The following ATP5MG variants were observed in gnomAD, a reference collection of about 807,000 sequenced individuals.
ATP5MG encodes ATP synthase F(0) complex subunit g, mitochondrial.
ATP5MG carries 7 observed loss-of-function variants against 12.7 expected under a neutral mutation model. That is an observed-to-expected ratio of 0.55 (90% CI 0.31 to 1.04). The LOEUF (loss-of-function observed/expected upper bound fraction) is 1.04. ATP5MG is among the 50% of genes least tolerant of loss of function. The pLI, the probability that ATP5MG is intolerant of heterozygous loss-of-function variation, is 0.05. For missense variants in ATP5MG, 116 were observed against 126.7 expected (o/e 0.92, Z 0.41); for synonymous variants, 53 against 48.2 (o/e 1.10, Z -0.41).
chr11:118,402,696 C>CTTT lies in ATP5MG; in HGVS notation c.52+995_52+997dup, dbSNP rs782335353. On this transcript the variant is annotated intron_variant, in intron 1 of 2. Coordinates refer to ENST00000300688, the MANE Select transcript of ATP5MG (RefSeq NM_006476.5). ...TTGGGTATTTTCTTTTTCTTTCTTT[C>CTTT]TTTTTTTTTTTTTTTTTTCCTAGAA... is the stretch of plus-strand genomic sequence containing the variant. 2.4e-3 allele frequency among the ~76,000 whole-genome samples: 311 copies of CTTT among 128,186 alleles called. 2 individuals are homozygous for CTTT. Among genetic ancestry groups the CTTT allele is most frequent in the South Asian group, 6.6e-3 (26 of 3,946 alleles). The allele number at this position is 128,186 out of a possible 152,430, so 84.1% of individuals were successfully genotyped here. A position where few individuals can be genotyped will look rare whatever the true frequency, so the allele number is the denominator to read the frequency against.
In ATP5MG at chr11:118,409,007, T is replaced by G. The variant is rs1555132572; in HGVS notation, c.221T>G (p.Val74Gly). The G allele has an allele frequency of 6.3e-7, 1 of 1,591,570 alleles. No individual in the cohort carries two copies. The highest frequency in any genetic ancestry group is 8.6e-7 in the Non-Finnish European group (1 of 1,168,516). The change falls in exon 3 of 3, where the codon GTG becomes GGG. Residue 74 changes from valine to glycine, a missense_variant. Physicochemically the swap from Val to Gly is moderately radical, Grantham distance 109 (BLOSUM62 -3). Coordinates refer to ENST00000300688, the MANE Select transcript of ATP5MG (RefSeq NM_006476.5). Reference sequence around the variant, plus strand: ...GTATGCTTCTTTTTTCAGGAAGCTGTGCTGAATGGTTTGGTGGCCACTGAG... The same window carrying G: ...GTATGCTTCTTTTTTCAGGAAGCTGGGCTGAATGGTTTGGTGGCCACTGAG... The part of the protein sequence containing the change: ...SFKQLTVKEA[V>G]LNGLVATEVL...
In ATP5MG at chr11:118,407,075, G is replaced by C. The variant is rs781810238; in HGVS notation, c.191G>C (p.Ser64Thr). ...ATAGTCAATAGTGCTCAGACTGGTA[G>C]CTTCAAACAGCTCACAGTTAAGGTA... The part of the protein sequence containing the change: ...KKIVNSAQTG[S>T]FKQLTVKEAV... The change falls in exon 2 of 3, where the codon AGC becomes ACC. Residue 64 changes from serine (S) to threonine (T), a missense_variant. Transcript: ENST00000300688. 2 of 1,614,060 alleles carry C rather than the reference G, an allele frequency of 1.2e-6. No homozygotes were observed. Among genetic ancestry groups the C allele is most frequent in the Non-Finnish European group, 1.7e-6 (2 of 1,180,002 alleles).
In ATP5MG at chr11:118,409,173, A is replaced by C; in HGVS notation, c.*75A>C. The C allele has an allele frequency of 4.1e-6, 4 of 967,356 alleles. No homozygotes were observed. Among genetic ancestry groups the C allele is most frequent in the Non-Finnish European group, 5.9e-6 (4 of 679,096 alleles). 59.9% of individuals were successfully genotyped at this position (967,356 alleles called of 1,614,324 possible). ...TTGGACCATGTGTGATCAGACTGCT[A>C]TCTGAATAAAATAAGATTTGTCAAA... On this transcript the variant is annotated 3_prime_UTR_variant, in exon 3 of 3. Coordinates refer to ENST00000300688, the MANE Select transcript of ATP5MG (RefSeq NM_006476.5).
At chr11:118,402,048 A>G (rs913227506) in intron 1 of ATP5MG, among the ~76,000 whole-genome samples, 19 of 152,126 alleles carry the variant, frequency 1.2e-4, no homozygotes, top group African/African-American at 4.3e-4. Context: ...TCTAGAGGGG[A>G]TGGTTCTGTT....
rs782715285 is a variant in ATP5MG, at chr11:118,409,127, T to C, written c.*29T>C. ...CCAATCTTTAACATCTGATTATATT[T>C]GATTTATTATTTGAGTGTTGTTGGA... On this transcript the variant is annotated 3_prime_UTR_variant, in exon 3 of 3. Transcript: ENST00000300688. The C allele has an allele frequency of 6.7e-7, 1 of 1,486,794 alleles. No individual in the cohort carries two copies. The highest frequency in any genetic ancestry group is 1.4e-5 in the African/African-American group (1 of 70,902). 92.1% of individuals were successfully genotyped at this position (1,486,794 alleles called of 1,614,324 possible).
At chr11:118,405,563 T>G (rs2134127267) in intron 1 of ATP5MG, 1 of 755,656 alleles carries the variant, frequency 1.3e-6, no homozygotes, top group Non-Finnish European at 1.6e-6. Flanking sequence ...TTCATTTTTT[T>G]TTTAAGGATG....
chr11:118,407,131 A>G (rs1369010543), intron 2 of ATP5MG, 34 bp downstream of exon 2: 3 of 1,612,296 alleles, frequency 1.9e-6, no homozygotes, highest in Non-Finnish European at 2.5e-6. Flanking sequence ...GGATGTGCAT[A>G]ACAGAAAATG....
At position 118,407,070 on chromosome 11, in the gene ATP5MG, T is replaced by G; in HGVS notation, c.186T>G (p.Thr62=). 2 of 1,614,166 alleles carry G rather than the reference T, an allele frequency of 1.2e-6. No individual in the cohort carries two copies. The highest frequency in any genetic ancestry group is 1.7e-6 in the Non-Finnish European group (2 of 1,180,026). The change falls in exon 2 of 3, where the codon ACT becomes ACG. Residue 62 remains threonine, a synonymous_variant. Coordinates refer to ENST00000300688, the MANE Select transcript of ATP5MG (RefSeq NM_006476.5). ...AAAAAATAGTCAATAGTGCTCAGACTGGTAGCTTCAAACAGCTCACAGTTA... is the reference window on the plus strand; with the variant it reads ...AAAAAATAGTCAATAGTGCTCAGACGGGTAGCTTCAAACAGCTCACAGTTA... ...SLKKIVNSAQ[T]GSFKQLTVKE...
chr11:118,406,004 CG>C (rs1199798024), intron 1 of ATP5MG: 12 of 152,178 alleles, frequency 7.9e-5, no homozygotes, highest in African/African-American at 2.9e-4. Context: ...CTGGGACTAC[CG>C]GCACACACCA....
At chr11:118,401,963 A>G (rs1014967449) in intron 1 of ATP5MG, 1 of 480,120 alleles carries the variant, frequency 2.1e-6, no homozygotes, top group Non-Finnish European at 3.7e-6. Flanking sequence ...CTGGGAAGAG[A>G]GGTAGTGTGA....
At chr11:118,405,262 A>G (rs1948962846) in intron 1 of ATP5MG, among the ~76,000 whole-genome samples, 1 of 152,212 alleles carries the variant, frequency 6.6e-6, no homozygotes, top group Non-Finnish European at 1.5e-5. Context: ...ATACTAAGCC[A>G]TGTATATACA....
intron 1 of ATP5MG, among the ~76,000 whole-genome samples, chr11:118,404,913 A>G (rs1287050137): frequency 2.6e-5 from 4 of 152,156 alleles, no homozygotes; most frequent in African/African-American, 4.8e-5. Context: ...TTGATTTCAT[A>G]CTTTCTGTAT....
Position 118,401,639 on chromosome 11 carries a change from G to A in ATP5MG, c.-27G>A. The A allele has an allele frequency of 6.2e-7, 1 of 1,614,022 alleles. No homozygotes were observed. Among genetic ancestry groups the A allele is most frequent in the South Asian group, 1.1e-5 (1 of 91,062 alleles). ...CGGGTGACATTCAGCCGGCGGTTCG[G>A]GGCGACGGACTCTCCATTCCAGAAC... On this transcript the variant is annotated 5_prime_UTR_variant, in exon 1 of 3. Coordinates refer to ENST00000300688, the MANE Select transcript of ATP5MG (RefSeq NM_006476.5).
intron 2 of ATP5MG, chr11:118,407,451 A>C (rs1425863656): frequency 1.0e-5 from 2 of 196,532 alleles, no homozygotes; most frequent in Non-Finnish European, 2.1e-5. Context: ...ATTGTCCCCA[A>C]TTCAGCCAAA....
chr11:118,401,808 G>T (rs782737388), intron 1 of ATP5MG, 91 bp downstream of exon 1: 4 of 1,480,198 alleles, frequency 2.7e-6, no homozygotes, highest in South Asian at 1.3e-5. Context: ...GCGAAGACCC[G>T]AGGGGCCTGC....
At position 118,409,167 on chromosome 11, in the gene ATP5MG, A is replaced by G; in HGVS notation, c.*69A>G. The G allele has an allele frequency of 9.7e-7, 1 of 1,034,192 alleles. No homozygotes were observed. Among genetic ancestry groups the G allele is most frequent in the East Asian group, 3.2e-5 (1 of 31,132 alleles). 64.1% of individuals were successfully genotyped at this position (1,034,192 alleles called of 1,614,324 possible). ...GTGTTGTTGGACCATGTGTGATCAG[A>G]CTGCTATCTGAATAAAATAAGATTT... On this transcript the variant is annotated 3_prime_UTR_variant, in exon 3 of 3. Transcript: ENST00000300688.
intron 1 of ATP5MG, among the ~76,000 whole-genome samples, chr11:118,403,650 G>A (rs535233673): frequency 2.6e-5 from 4 of 150,996 alleles, no homozygotes; most frequent in African/African-American, 9.7e-5. Context: ...GAAATTAGCC[G>A]GGCATGGTGG....
chr11:118,408,654 G>A (rs1948992439), intron 2 of ATP5MG, among the ~76,000 whole-genome samples: 1 of 152,050 alleles, frequency 6.6e-6, no homozygotes, highest in Non-Finnish European at 1.5e-5. Context: ...ATCTAAATGC[G>A]CCAGCTATAT....
intron 1 of ATP5MG, among the ~76,000 whole-genome samples, chr11:118,404,651 G>C (rs1948957122): frequency 6.6e-6 from 1 of 152,148 alleles, no homozygotes; most frequent in African/African-American, 2.4e-5. Flanking sequence ...ATATTCCTGT[G>C]ACATCTCTGG....
Sources: allele counts gnomAD v4.1 joint callset (sites outside exome capture counted in the v4.1 genomes callset), GRCh38; gene constraint gnomAD v4.1.1; transcripts MANE v1.5; gene names NCBI Gene and HGNC (gene_info 2026-07-23, HGNC 2026-07-21).